Variants in PARP8 observed in about 807,000 individuals in gnomAD.
PARP8 encodes poly(ADP-ribose) polymerase family member 8, also known as protein mono-ADP-ribosyltransferase PARP8.
In PARP8, 51 loss-of-function variants were observed where a neutral mutation model predicts 124.1. The ratio of observed to expected loss-of-function variants is 0.41; its 90% CI spans 0.33 to 0.52. PARP8 has a LOEUF of 0.52. Ranked by LOEUF, PARP8 falls within the 20% of genes least tolerant of loss-of-function variation. The probability of loss-of-function intolerance (pLI) is 0.21; values close to 1 mark genes in which losing one functional copy is unlikely to be tolerated. For missense variants in PARP8, 860 were observed against 1,018.9 expected, an observed-to-expected ratio of 0.84 and a Z score of 2.12; for synonymous variants, 391 against 361.5, an observed-to-expected ratio of 1.08 and a Z score of -0.93.
At chr5:50,808,955 A>G (rs906056218) in intron 14 of PARP8, among the ~76,000 whole-genome samples, 1 of 152,060 alleles carries the variant, frequency 6.6e-6, no homozygotes, top group African/African-American at 2.4e-5. Context: ...GGAAGTTCAG[A>G]TATCAACTTC....
At chr5:50,784,582 C>T in intron 9 of PARP8, among the ~76,000 whole-genome samples, 1 of 152,086 alleles carries the variant, frequency 6.6e-6, no homozygotes, top group East Asian at 1.9e-4. Context: ...ATATCTTGGG[C>T]AGCCCTCACT....
rs575816917 is a variant in PARP8, at chr5:50,805,729, G to A, written c.1575+8496G>A. On this transcript the variant is annotated intron_variant, in intron 14 of 25. Transcript: ENST00000281631. ...AAAAACATGTCTTGTAGCCATTTAA[G>A]AACACAATCATCTGTCAGATATTTT... Among the ~76,000 whole-genome samples, 10 of 152,156 alleles carry A rather than the reference G, an allele frequency of 6.6e-5. 1 individual carries two copies. In the South Asian group the frequency reaches 1.2e-3, roughly 19 times the overall value.
At chr5:50,758,490 G>A (rs765771305) in intron 3 of PARP8, among the ~76,000 whole-genome samples, 1 of 152,138 alleles carries the variant, frequency 6.6e-6, no homozygotes, top group Admixed American at 6.5e-5. Context: ...TAATGACTTA[G>A]AGATGTATTA....
At chr5:50,724,598 T>A (rs1262379185) in intron 2 of PARP8, among the ~76,000 whole-genome samples, 2 of 152,162 alleles carry the variant, frequency 1.3e-5, no homozygotes, top group African/African-American at 4.8e-5. Context: ...TGTCTACAAT[T>A]TATTCTTTTA....
At chr5:50,719,085 A>G (rs1406562432) in intron 2 of PARP8, among the ~76,000 whole-genome samples, 1 of 151,932 alleles carries the variant, frequency 6.6e-6, no homozygotes, top group Non-Finnish European at 1.5e-5. Context: ...ATTTTTTCAC[A>G]TACCTTTTGG....
chr5:50,766,687 A>T (rs1580264447), intron 7 of PARP8, among the ~76,000 whole-genome samples: 1 of 152,074 alleles, frequency 6.6e-6, no homozygotes, highest in Non-Finnish European at 1.5e-5. Flanking sequence ...TGACTGTTCT[A>T]TTGTGAATAG....
chr5:50,799,156 C>T (rs1409092074), intron 14 of PARP8, among the ~76,000 whole-genome samples: 1 of 152,136 alleles, frequency 6.6e-6, no homozygotes, highest in Non-Finnish European at 1.5e-5. Context: ...AATTCAAAGT[C>T]ACACAGTGCA....
chr5:50,712,875 G>A (rs929448435), intron 2 of PARP8, among the ~76,000 whole-genome samples: 4 of 151,740 alleles, frequency 2.6e-5, no homozygotes, highest in Non-Finnish European at 5.9e-5. Context: ...CTAACATTAG[G>A]CTTGATTTTA....
chr5:50,710,844 C>G (rs946269304), intron 2 of PARP8, among the ~76,000 whole-genome samples: 1 of 152,112 alleles, frequency 6.6e-6, no homozygotes, highest in Non-Finnish European at 1.5e-5. Flanking sequence ...ATTTTTATAT[C>G]TAACAGGTTC....
In PARP8 at chr5:50,832,786, A is replaced by T; in HGVS notation, c.2239A>T (p.Asn747Tyr). 1 of 1,613,408 alleles carries T rather than the reference A, an allele frequency of 6.2e-7. No homozygotes were observed. The highest frequency in any genetic ancestry group is 8.5e-7 in the Non-Finnish European group (1 of 1,179,540). Residue 747 changes from asparagine to tyrosine, a missense_variant, in exon 23 of 26, where the codon AAC (asparagine) becomes TAC (tyrosine). Physicochemically the swap from Asn to Tyr is moderately radical, Grantham distance 143. This residue lies in a region of PARP8 where 343 missense variants were observed against 474.7 expected (regional missense o/e 0.72). Transcript: ENST00000281631. ...TATTTTGCCGATGTTTTCAGGGATG[A>T]ACAAGAAACAGAAGGTGTCAGCCAA... ...SSISFGYSGM[N>Y]KKQKVSAKDE...
intron 2 of PARP8, among the ~76,000 whole-genome samples, chr5:50,698,740 C>G (rs967971156): frequency 2.0e-5 from 3 of 152,042 alleles, no homozygotes; most frequent in Admixed American, 1.3e-4. Flanking sequence ...AGAAAAATCT[C>G]AAAAGGAAGC....
At chr5:50,785,422 C>T (rs1310265437) in intron 9 of PARP8, among the ~76,000 whole-genome samples, 1 of 152,216 alleles carries the variant, frequency 6.6e-6, no homozygotes, top group Admixed American at 6.5e-5. Flanking sequence ...TAGTGCATTT[C>T]GGATTTTTCT....
chr5:50,744,570 T>G (rs1053899698), intron 2 of PARP8, among the ~76,000 whole-genome samples: 4 of 152,174 alleles, frequency 2.6e-5, no homozygotes, highest in Non-Finnish European at 5.9e-5. Flanking sequence ...ATTTTTAGAT[T>G]CTGGTTTCAA....
intron 14 of PARP8, 53 bp from the exon 15 acceptor site, chr5:50,815,379 T>C (rs1417602178): frequency 2.5e-5 from 32 of 1,271,052 alleles, no homozygotes; most frequent in African/African-American, 3.1e-5. Flanking sequence ...AATTTAATTT[T>C]GATATTGAGA....
At chr5:50,821,426 T>G in intron 16 of PARP8, 88 bp downstream of exon 16, 3 of 1,425,598 alleles carry the variant, frequency 2.1e-6, no homozygotes, top group Middle Eastern at 1.8e-4. Context: ...GGTTTCCTCT[T>G]TCTATCTAAA....
chr5:50,764,174 G>A lies in PARP8; in HGVS notation c.518+932G>A, dbSNP rs528200651. On this transcript the variant is annotated intron_variant, in intron 7 of 25. Coordinates refer to ENST00000281631, the MANE Select transcript of PARP8 (RefSeq NM_024615.4). Reference sequence around the variant, plus strand: ...TTGGCTCTTACCTTGTTTATTATTCGTCTCATGTCTTTTAATTATTTGGCT... The same window carrying A: ...TTGGCTCTTACCTTGTTTATTATTCATCTCATGTCTTTTAATTATTTGGCT... 1.4e-4 allele frequency among the ~76,000 whole-genome samples: 22 copies of A among 152,146 alleles called. No homozygotes were observed. In the South Asian group the frequency reaches 2.7e-3, roughly 19 times the overall value.
At chr5:50,810,814 G>A (rs1744353042) in intron 14 of PARP8, among the ~76,000 whole-genome samples, 1 of 152,002 alleles carries the variant, frequency 6.6e-6, no homozygotes, top group Admixed American at 6.6e-5. Flanking sequence ...TAGTAAAAAT[G>A]AGCAAGAGAT....
intron 2 of PARP8, among the ~76,000 whole-genome samples, chr5:50,687,523 C>G (rs985801653): frequency 2.0e-5 from 3 of 152,080 alleles, no homozygotes; most frequent in Non-Finnish European, 4.4e-5. Flanking sequence ...TTTCAGCAAC[C>G]CCCACTCTCT....
At chr5:50,671,979 G>GATAA (rs1750079307) in intron 2 of PARP8, among the ~76,000 whole-genome samples, 1 of 152,112 alleles carries the variant, frequency 6.6e-6, no homozygotes, top group Non-Finnish European at 1.5e-5. Flanking sequence ...CTTCCGTCTA[G>GATAA]ATAAATAGCA....
Sources: gnomAD v4.1 joint callset for allele counts (sites outside exome capture counted in the v4.1 genomes callset) on GRCh38, gnomAD v4.1.1 for gene constraint, gnomAD v4.1.1 regional missense constraint, MANE v1.5 for transcripts, NCBI Gene and HGNC (gene_info 2026-07-23, HGNC 2026-07-21) for gene names.